TP73: variants seen among roughly 807,000 people sequenced by gnomAD.
TP73 encodes p53-like transcription factor.
Under a neutral mutation model 62.5 loss-of-function variants are expected in TP73, and 25 were observed. That is an observed-to-expected ratio of 0.40 (90% CI 0.29 to 0.56). TP73 has a LOEUF of 0.56. TP73 is among the 20% of genes least tolerant of loss of function. The pLI is 0.46. For missense variants in TP73, 754 were observed against 913.3 expected (o/e 0.83, Z 2.25); for synonymous variants, 423 against 377.5 (o/e 1.12, Z -1.40).
At chr1:3,705,077 C>G (rs893358656) in intron 3 of TP73, among the ~76,000 whole-genome samples, 1 of 152,216 alleles carries the variant, frequency 6.6e-6, no homozygotes, top group Admixed American at 6.5e-5. Context: ...TGCCCTGTCT[C>G]CCAGGCTGGA....
Position 3,707,508 on chromosome 1 carries a change from T to C in TP73, c.187-41T>C, listed in dbSNP as rs374061545. 157 of 1,585,644 alleles carry C rather than the reference T, an allele frequency of 9.9e-5. No individual in the cohort carries two copies. The African/African-American group carries it at 2.0e-3, about 20-fold the overall frequency. ...TCCTAGACGGGACAGGACGACTGAC[T>C]GTGTGTGTTTCCCCCTCCCTCCTCC... On this transcript the variant is annotated intron_variant, in intron 3 of 13. Transcript: ENST00000378295.
At chr1:3,688,632 C>A (rs1645727802) in intron 3 of TP73, among the ~76,000 whole-genome samples, 1 of 152,228 alleles carries the variant, frequency 6.6e-6, no homozygotes, top group Admixed American at 6.5e-5. Context: ...GGCCCCAGAT[C>A]CCCTGTCCCT....
At chr1:3,718,147 G>A (rs1640762690) in intron 4 of TP73, among the ~76,000 whole-genome samples, 1 of 152,188 alleles carries the variant, frequency 6.6e-6, no homozygotes, top group African/African-American at 2.4e-5. Context: ...TCCCGGGGTG[G>A]GTGGTCCGGC....
At chr1:3,729,240 C>A (rs77712545) in intron 9 of TP73, 87 bp from the exon 10 acceptor site, 25,131 of 1,568,014 alleles carry the variant, frequency 0.016, 269 homozygotes, top group Non-Finnish European at 0.02. Flanking sequence ...GATGCTTTGC[C>A]AAGCCCAGGT....
chr1:3,732,530 CA>C (rs945899622), intron 13 of TP73, among the ~76,000 whole-genome samples: 6 of 150,382 alleles, frequency 4.0e-5, no homozygotes, highest in African/African-American at 1.4e-4. Flanking sequence ...GGTAGATGCT[CA>C]GGGGGCTCCA....
At chr1:3,710,960 G>C (rs116460710) in intron 4 of TP73, among the ~76,000 whole-genome samples, 1,794 of 152,354 alleles carry the variant, frequency 0.012, 29 homozygotes, top group African/African-American at 0.04. Context: ...AAGGATTTGT[G>C]TTTAGCCACG....
intron 3 of TP73, among the ~76,000 whole-genome samples, chr1:3,686,615 G>T (rs1373588700): frequency 6.6e-6 from 1 of 152,130 alleles, no homozygotes; most frequent in Non-Finnish European, 1.5e-5. Flanking sequence ...AACCCTCAGT[G>T]GGCTCTAGAG....
intron 7 of TP73, 158 bp downstream of exon 7, chr1:3,727,382 G>C: frequency 3.2e-6 from 3 of 923,492 alleles, no homozygotes; most frequent in South Asian, 1.7e-5. Flanking sequence ...TGGCCTGCAG[G>C]GCCTGCCTGG....
chr1:3,669,551 C>T (rs1317285887), intron 1 of TP73, among the ~76,000 whole-genome samples: 2 of 152,246 alleles, frequency 1.3e-5, no homozygotes, highest in African/African-American at 2.4e-5. Flanking sequence ...GGGGGCTTCC[C>T]GGCTGGGGGC....
intron 1 of TP73, among the ~76,000 whole-genome samples, chr1:3,657,724 C>A (rs116141708): frequency 6.6e-6 from 1 of 152,178 alleles, no homozygotes; most frequent in Non-Finnish European, 1.5e-5. Context: ...TCTTGGAACC[C>A]GGACACTGAA....
intron 4 of TP73, among the ~76,000 whole-genome samples, chr1:3,710,165 G>A (rs368702155): frequency 1.5e-5 from 2 of 130,754 alleles, no homozygotes; most frequent in African/African-American, 2.9e-5. Flanking sequence ...ACACCTCCTC[G>A]CTCCCTCCCT....
intron 4 of TP73, among the ~76,000 whole-genome samples, chr1:3,712,852 C>A (rs1367897721): frequency 6.6e-6 from 1 of 152,146 alleles, no homozygotes; most frequent in African/African-American, 2.4e-5. Context: ...AGCAGCCAGA[C>A]CCCTAACCTT....
intron 9 of TP73, among the ~76,000 whole-genome samples, chr1:3,728,811 C>A (rs1641880778): frequency 6.6e-6 from 1 of 152,154 alleles, no homozygotes; most frequent in Non-Finnish European, 1.5e-5. Flanking sequence ...CCCATCTCTA[C>A]AAAAATTAGC....
rs1638963376 is a variant in TP73, at chr1:3,699,375, C to A, written c.187-8174C>A. Among the ~76,000 whole-genome samples, 1 of 152,130 alleles carries A rather than the reference C, an allele frequency of 6.6e-6. No individual in the cohort carries two copies. The highest frequency in any genetic ancestry group is 2.4e-5 in the African/African-American group (1 of 41,430). ...TGAGGAGCGGCATACTCTCAAAAAA[C>A]CACAACAGTCTGGTCTCAATATTCT... On this transcript the variant is annotated intron_variant, in intron 3 of 13. Coordinates refer to ENST00000378295, the MANE Select transcript of TP73 (RefSeq NM_005427.4). This position sits in a 1 kb window ranked among gnomAD's most constrained non-coding sequence, Gnocchi z 4.1.
chr1:3,715,349 C>T (rs916766007), intron 4 of TP73, among the ~76,000 whole-genome samples: 25 of 152,196 alleles, frequency 1.6e-4, no homozygotes, highest in African/African-American at 6.0e-4. Flanking sequence ...TCTGCAGTGC[C>T]GTCTTCCTGG....
In TP73 at chr1:3,670,076, T is replaced by C. The variant is rs1016802877; in HGVS notation, c.-33-12257T>C. On this transcript the variant is annotated intron_variant, in intron 1 of 13. Coordinates refer to ENST00000378295, the MANE Select transcript of TP73 (RefSeq NM_005427.4). This position sits in a 1 kb window ranked among gnomAD's most constrained non-coding sequence, Gnocchi z 5.9. ...TCTTTGCAAAGTCTCCAGCCTGGCC[T>C]CCTGGATGGGCATGTGGCTCGGGGG... Among the ~76,000 whole-genome samples the C allele has an allele frequency of 3.2e-4, 48 of 151,810 alleles. No homozygotes were observed. The highest frequency in any genetic ancestry group is 5.6e-4 in the Non-Finnish European group (38 of 67,934).
At chr1:3,709,737 C>T (rs181951428) in intron 4 of TP73, among the ~76,000 whole-genome samples, 4 of 152,362 alleles carry the variant, frequency 2.6e-5, no homozygotes, top group East Asian at 3.9e-4. Flanking sequence ...GGACACTGAC[C>T]TCCTGCCCTG....
intron 5 of TP73, among the ~76,000 whole-genome samples, chr1:3,722,892 AC>A (rs1390570470): frequency 3.4e-5 from 4 of 118,256 alleles, no homozygotes; most frequent in Non-Finnish European, 6.9e-5. Context: ...CAGGGTGGGC[AC>A]CTCTGCACCT....
intron 3 of TP73, chr1:3,698,139 A>G (rs1347246687): frequency 1.0e-6 from 1 of 985,306 alleles, no homozygotes; most frequent in African/African-American, 1.7e-5. Flanking sequence ...CCTGATTCAC[A>G]TCTGCAGGAC....
Sources: allele counts gnomAD v4.1 joint callset (sites outside exome capture counted in the v4.1 genomes callset), GRCh38; gene constraint gnomAD v4.1.1; non-coding constraint Gnocchi (gnomAD v3.1); transcripts MANE v1.5; gene names NCBI Gene and HGNC (gene_info 2026-07-23, HGNC 2026-07-21).